DLG2: variants seen among roughly 807,000 people sequenced by gnomAD.
DLG2 encodes discs large MAGUK scaffold protein 2.
Under a neutral mutation model 132.5 loss-of-function variants are expected in DLG2, and 45 were observed. The ratio of observed to expected loss-of-function variants is 0.34; its 90% CI spans 0.27 to 0.44. The LOEUF (loss-of-function observed/expected upper bound fraction) is 0.44. DLG2 is among the 20% of genes least tolerant of loss of function. The pLI is 1.00. For synonymous variants in DLG2, 424 were observed against 419.6 expected (o/e 1.01, Z -0.13); for missense variants, 1,045 against 1,196.9 (o/e 0.87, Z 1.87).
At chr11:83,574,219 G>A (rs185174012) in intron 19 of DLG2, among the ~76,000 whole-genome samples, 197 of 152,222 alleles carry the variant, frequency 1.3e-3, no homozygotes, top group Non-Finnish European at 2.0e-3. Context: ...AAGCTCAAAT[G>A]ACAGTGTCTG....
At chr11:83,709,100 G>A (rs1040942544) in intron 18 of DLG2, among the ~76,000 whole-genome samples, 2 of 151,986 alleles carry the variant, frequency 1.3e-5, no homozygotes, top group African/African-American at 4.8e-5. Context: ...AGACAAGTCT[G>A]AGTCCTGGGG....
chr11:84,909,493 C>T (rs753995617), intron 6 of DLG2, among the ~76,000 whole-genome samples: 1 of 152,136 alleles, frequency 6.6e-6, no homozygotes, highest in African/African-American at 2.4e-5. Flanking sequence ...CCTCACCTGA[C>T]AGGTTTTAAT....
chr11:85,026,283 T>C (rs1345839840), intron 6 of DLG2, among the ~76,000 whole-genome samples: 2 of 151,796 alleles, frequency 1.3e-5, no homozygotes, highest in African/African-American at 4.8e-5. Flanking sequence ...TATTAGAAAA[T>C]GGTAATTTAA....
intron 2 of DLG2, among the ~76,000 whole-genome samples, chr11:85,602,994 A>G (rs889306860): frequency 1.3e-5 from 2 of 152,174 alleles, no homozygotes; most frequent in African/African-American, 4.8e-5. Flanking sequence ...TGAGAATTTC[A>G]ATTGGGCAAT....
intron 6 of DLG2, among the ~76,000 whole-genome samples, chr11:84,780,978 G>A (rs1351834654): frequency 8.0e-6 from 1 of 125,682 alleles, no homozygotes; most frequent in Non-Finnish European, 1.6e-5. Flanking sequence ...ATTGTGAAGT[G>A]CTTTACTCCA....
At chr11:84,535,135 CAG>C (rs772224298) in intron 6 of DLG2, among the ~76,000 whole-genome samples, 1 of 152,192 alleles carries the variant, frequency 6.6e-6, no homozygotes, top group African/African-American at 2.4e-5. Context: ...AAGAAGAAAA[CAG>C]AATTCCAATA....
chr11:85,401,078 G>C (rs568341619), intron 3 of DLG2, among the ~76,000 whole-genome samples: 1 of 151,782 alleles, frequency 6.6e-6, no homozygotes, highest in Admixed American at 6.6e-5. Context: ...ACATTGATGT[G>C]AAAATCCTCT....
At chr11:85,390,581 G>A (rs550972579) in intron 3 of DLG2, among the ~76,000 whole-genome samples, 3 of 151,774 alleles carry the variant, frequency 2.0e-5, no homozygotes, top group Admixed American at 6.6e-5. Context: ...CTAAATTATA[G>A]CAAGTATTCT....
chr11:85,370,672 A>G (rs146664189), intron 3 of DLG2, among the ~76,000 whole-genome samples: 26 of 152,266 alleles, frequency 1.7e-4, no homozygotes, highest in African/African-American at 6.3e-4. Flanking sequence ...TTACACCTCA[A>G]ACATTTAACA....
chr11:83,775,541 G>T (rs1052092702), intron 18 of DLG2, among the ~76,000 whole-genome samples: 1 of 152,132 alleles, frequency 6.6e-6, no homozygotes, highest in Non-Finnish European at 1.5e-5. Context: ...TTTTAGAAAG[G>T]TGTCAGGCCT....
At chr11:83,678,520 T>C (rs2078165947) in intron 18 of DLG2, among the ~76,000 whole-genome samples, 1 of 152,192 alleles carries the variant, frequency 6.6e-6, no homozygotes, top group Non-Finnish European at 1.5e-5. Flanking sequence ...ATCCATCCCT[T>C]GCCCTATTTC....
intron 6 of DLG2, among the ~76,000 whole-genome samples, chr11:85,006,971 T>A (rs537063214): frequency 1.5e-3 from 228 of 152,312 alleles, no homozygotes; most frequent in Middle Eastern, 3.4e-3. Flanking sequence ...AAAGCCCATC[T>A]CCATAATATT....
chr11:84,610,331 T>C (rs1413117075), intron 6 of DLG2, among the ~76,000 whole-genome samples: 1 of 152,136 alleles, frequency 6.6e-6, no homozygotes, highest in African/African-American at 2.4e-5. Flanking sequence ...AGGTAACAAA[T>C]ATTTTTTAAA....
chr11:84,568,119 CAGGT>C (rs1447792467), intron 6 of DLG2, among the ~76,000 whole-genome samples: 1 of 152,162 alleles, frequency 6.6e-6, no homozygotes, highest in Non-Finnish European at 1.5e-5. Context: ...CACCTGGAGT[CAGGT>C]AGAAACAAAG....
At chr11:84,973,274 A>C (rs995032438) in intron 6 of DLG2, among the ~76,000 whole-genome samples, 1 of 152,134 alleles carries the variant, frequency 6.6e-6, no homozygotes, top group Non-Finnish European at 1.5e-5. Context: ...CTCAGTTTTA[A>C]ATTTTTAATC....
intron 4 of DLG2, among the ~76,000 whole-genome samples, chr11:85,156,773 T>G (rs2077617903): frequency 6.6e-6 from 1 of 152,206 alleles, no homozygotes; most frequent in Admixed American, 6.5e-5. Flanking sequence ...AAAAGACTGC[T>G]TCCCAGGCAA....
At chr11:84,000,963 C>G (rs1586144) in intron 11 of DLG2, among the ~76,000 whole-genome samples, 69,350 of 151,710 alleles carry the variant, frequency 0.46, 16,644 homozygotes, top group Middle Eastern at 0.6. Flanking sequence ...AGAGAAAGAA[C>G]TCAAATAGCA....
At chr11:84,062,827 T>C (rs2096612688) in intron 10 of DLG2, among the ~76,000 whole-genome samples, 1 of 151,798 alleles carries the variant, frequency 6.6e-6, no homozygotes. Context: ...CAGGCCAAAC[T>C]AGGGCAGTCA....
chr11:85,201,222 G>T (rs1595336571), intron 4 of DLG2, among the ~76,000 whole-genome samples: 1 of 152,136 alleles, frequency 6.6e-6, no homozygotes, highest in Non-Finnish European at 1.5e-5. Flanking sequence ...ACTACAGTAG[G>T]GTAGCTACGC....
Sources: allele counts gnomAD v4.1 joint callset (sites outside exome capture counted in the v4.1 genomes callset), GRCh38; gene constraint gnomAD v4.1.1; transcripts MANE v1.5; gene names NCBI Gene and HGNC (gene_info 2026-07-23, HGNC 2026-07-21).